NUP62CL: variants seen among roughly 807,000 people sequenced by gnomAD.
The protein encoded by NUP62CL is nucleoporin-62 C-terminal-like protein.
NUP62CL carries 13 observed loss-of-function variants against 15.3 expected under a neutral mutation model. The ratio of observed to expected loss-of-function variants is 0.85; its 90% CI spans 0.55 to 1.35. The LOEUF (loss-of-function observed/expected upper bound fraction) is 1.35. Ranked by LOEUF, NUP62CL falls within the 40% of genes most tolerant of loss-of-function variation. NUP62CL has a pLI of 0.00. For synonymous variants in NUP62CL, 54 were observed against 49.2 expected, an observed-to-expected ratio of 1.10 and a Z score of -0.41; for missense variants, 123 against 130.6, an observed-to-expected ratio of 0.94 and a Z score of 0.28.
rs571054435 is a variant in NUP62CL, at chrX:107,188,754, A to C, written c.-48+4275T>G. On this transcript the variant is annotated intron_variant, in intron 2 of 8. Transcript: ENST00000372466. Reference sequence around the variant, plus strand: ...ACAAAAAAAACTCCTAGAATAAATGAGTTCTCCAATGTTTCAGGATACAAG... The same window carrying C: ...ACAAAAAAAACTCCTAGAATAAATGCGTTCTCCAATGTTTCAGGATACAAG... Among the ~76,000 whole-genome samples, 36 of 111,831 alleles carry C rather than the reference A, an allele frequency of 3.2e-4. No homozygotes were observed. The South Asian group carries it at 9.0e-3, about 28-fold the overall frequency.
chrX:107,195,583 A>G (rs1328704812), intron 1 of NUP62CL, among the ~76,000 whole-genome samples: 1 of 112,393 alleles, frequency 8.9e-6, no homozygotes, highest in African/African-American at 3.2e-5. Flanking sequence ...GAATACTGTT[A>G]GTGTCATGGG....
intron 8 of NUP62CL, among the ~76,000 whole-genome samples, chrX:107,125,784 C>G: frequency 9.0e-6 from 1 of 111,710 alleles, no homozygotes; most frequent in East Asian, 2.8e-4. Flanking sequence ...CTGATTGATA[C>G]ATATTAAATG....
At chrX:107,124,640 T>C (rs1320418960) in intron 8 of NUP62CL, among the ~76,000 whole-genome samples, 2 of 111,092 alleles carry the variant, frequency 1.8e-5, no homozygotes. Flanking sequence ...AAAAGTGACA[T>C]ACAGGGTAGT....
At chrX:107,136,513 T>G (rs1275231086) in intron 8 of NUP62CL, among the ~76,000 whole-genome samples, 1 of 112,025 alleles carries the variant, frequency 8.9e-6, no homozygotes. Flanking sequence ...TTAATACCAA[T>G]TATTCACAAA....
chrX:107,125,487 T>C (rs1271900041), intron 8 of NUP62CL, among the ~76,000 whole-genome samples: 8 of 111,204 alleles, frequency 7.2e-5, no homozygotes, highest in Non-Finnish European at 1.3e-4. Context: ...AAAACCCTAA[T>C]GTTACCCAGT....
At chrX:107,164,241 T>A (rs1471296124) in intron 4 of NUP62CL, among the ~76,000 whole-genome samples, 1 of 111,791 alleles carries the variant, frequency 8.9e-6, no homozygotes, top group African/African-American at 3.2e-5. Flanking sequence ...AACAACACAC[T>A]TCTAAATAAT....
At chrX:107,159,546 T>C (rs1317880513) in intron 4 of NUP62CL, among the ~76,000 whole-genome samples, 1 of 74,299 alleles carries the variant, frequency 1.3e-5, no homozygotes, top group Non-Finnish European at 2.4e-5. Context: ...ATTATCTCAA[T>C]AGATGCAGAA....
At chrX:107,140,471 A>G (rs1322906108) in intron 8 of NUP62CL, among the ~76,000 whole-genome samples, 1 of 111,715 alleles carries the variant, frequency 9.0e-6, no homozygotes, top group Non-Finnish European at 1.9e-5. Flanking sequence ...TGCTGTTTCA[A>G]CTGGCATCTA....
chrX:107,139,763 A>G (rs747495268), intron 8 of NUP62CL, among the ~76,000 whole-genome samples: 5 of 111,902 alleles, frequency 4.5e-5, no homozygotes, highest in Non-Finnish European at 9.4e-5. Flanking sequence ...GGCTGTTTAA[A>G]AGCAACCTTG....
intron 2 of NUP62CL, among the ~76,000 whole-genome samples, chrX:107,188,490 G>C (rs1927127909): frequency 9.3e-6 from 1 of 106,984 alleles, no homozygotes; most frequent in African/African-American, 3.4e-5. Context: ...TCCTTAACTT[G>C]ATAAAGAACA....
intron 8 of NUP62CL, among the ~76,000 whole-genome samples, chrX:107,138,913 C>T (rs774070386): frequency 1.8e-5 from 2 of 112,025 alleles, no homozygotes; most frequent in Non-Finnish European, 3.8e-5. Flanking sequence ...TGTCCTGCAA[C>T]AGGTGAATGG....
chrX:107,206,375 C>T lies in NUP62CL; in HGVS notation c.-194G>A, dbSNP rs992014382. 1 of 110,212 alleles carries T rather than the reference C, an allele frequency of 9.1e-6. No homozygotes were observed. Among genetic ancestry groups the T allele is most frequent in the Middle Eastern group, 4.7e-3 (1 of 215 alleles). 9.1% of individuals were successfully genotyped at this position (110,212 alleles called of 1,213,427 possible). A position where few individuals can be genotyped will look rare whatever the true frequency, so the allele number is the denominator to read the frequency against. On this transcript the variant is annotated 5_prime_UTR_variant, in exon 1 of 9. Transcript: ENST00000372466. The stretch of plus-strand genomic sequence containing the variant: ...GGGGCGGGTCCGGACCTGCTCGAGC[C>T]GGAAAGAATCGGCCTCCTTAGTGGG...
intron 2 of NUP62CL, among the ~76,000 whole-genome samples, chrX:107,183,675 C>CT (rs920667520): frequency 3.6e-5 from 4 of 110,458 alleles, no homozygotes; most frequent in Non-Finnish European, 7.6e-5. Context: ...AAAAAGTCTG[C>CT]TTTTTTTAGA....
chrX:107,193,829 AAT>A (rs1427116245), intron 1 of NUP62CL, among the ~76,000 whole-genome samples: 5 of 111,882 alleles, frequency 4.5e-5, no homozygotes, highest in Non-Finnish European at 9.4e-5. Context: ...AGCACATCAA[AAT>A]ATATGTCTGA....
At chrX:107,180,901 T>A (rs1926902307) in intron 2 of NUP62CL, among the ~76,000 whole-genome samples, 1 of 109,342 alleles carries the variant, frequency 9.1e-6, no homozygotes. Flanking sequence ...TTTAAAAAAA[T>A]TTATGGTTTC....
At chrX:107,177,034 T>C (rs1926803114) in intron 2 of NUP62CL, among the ~76,000 whole-genome samples, 1 of 111,566 alleles carries the variant, frequency 9.0e-6, no homozygotes, top group Admixed American at 9.5e-5. Flanking sequence ...AAACTCTCTA[T>C]TCATAGATGA....
At chrX:107,161,777 TA>T (rs1374608408) in intron 4 of NUP62CL, among the ~76,000 whole-genome samples, 5 of 94,793 alleles carry the variant, frequency 5.3e-5, no homozygotes, top group African/African-American at 1.6e-4. Context: ...AAGTATAATT[TA>T]AAAAAAATAA....
intron 4 of NUP62CL, among the ~76,000 whole-genome samples, chrX:107,162,864 A>G (rs1396691674): frequency 2.7e-5 from 3 of 111,214 alleles, no homozygotes; most frequent in African/African-American, 6.5e-5. Context: ...TCTCATCAGG[A>G]GCGCACAACC....
intron 2 of NUP62CL, among the ~76,000 whole-genome samples, chrX:107,192,043 C>T (rs1927256487): frequency 9.0e-6 from 1 of 111,510 alleles, no homozygotes; most frequent in Admixed American, 9.5e-5. Flanking sequence ...TCAGGTGCTA[C>T]TAAAAGACAT....
Sources: gnomAD v4.1 joint callset for allele counts (sites outside exome capture counted in the v4.1 genomes callset) on GRCh38, gnomAD v4.1.1 for gene constraint, MANE v1.5 for transcripts, NCBI Gene and HGNC (gene_info 2026-07-23, HGNC 2026-07-21) for gene names.